ASB5: variants seen among roughly 807,000 people sequenced by gnomAD.
ASB5 encodes the protein ankyrin repeat and SOCS box protein 5.
ASB5 carries 45 observed loss-of-function variants against 42.1 expected under a neutral mutation model. That is an observed-to-expected ratio of 1.07 (90% confidence interval 0.84 to 1.37). The LOEUF is 1.37. Among genes scored for constraint, ASB5 ranks in the 40% most tolerant of loss-of-function variants. The pLI is 0.00. For missense variants in ASB5, 402 were observed against 399.8 expected (o/e 1.01, Z -0.05); for synonymous variants, 147 against 150.6 (o/e 0.98, Z 0.18).
At chr4:176,275,957 G>C (rs1424998908) in intron 1 of ASB5, 1 of 152,148 alleles carries the variant, frequency 6.6e-6, no homozygotes, top group African/African-American at 2.4e-5. Flanking sequence ...TCCTTGTTAA[G>C]CTTAATGGGA....
intron 1 of ASB5, among the ~76,000 whole-genome samples, chr4:176,249,920 C>G (rs1753994350): frequency 6.9e-6 from 1 of 145,956 alleles, no homozygotes; most frequent in South Asian, 2.2e-4. Flanking sequence ...AAAAAATTAG[C>G]CGGGCGTGGT....
At position 176,257,101 on chromosome 4, in the gene ASB5, C is replaced by A. The variant is rs139379860; in HGVS notation, c.196+11812G>T. The stretch of plus-strand genomic sequence containing the variant: ...ATTATGAGAAAATAAAATAAAAGGA[C>A]AAGAGGCTTTTAAGAAGGATGGTTT... On this transcript the variant is annotated intron_variant, in intron 1 of 6. Coordinates refer to ENST00000296525, the MANE Select transcript of ASB5 (RefSeq NM_080874.4). Among the ~76,000 whole-genome samples the A allele has an allele frequency of 4.7e-4, 72 of 152,210 alleles. 2 individuals carry two copies. Among genetic ancestry groups the A allele is most frequent in the African/African-American group, 1.7e-3 (71 of 41,538 alleles).
At chr4:176,249,685 A>C (rs1442168026) in intron 1 of ASB5, 1 of 152,232 alleles carries the variant, frequency 6.6e-6, no homozygotes, top group African/African-American at 2.4e-5. Context: ...GAGGATGAGA[A>C]AACATGGAGT....
At chr4:176,257,752 C>T (rs551109024) in intron 1 of ASB5, among the ~76,000 whole-genome samples, 2 of 152,288 alleles carry the variant, frequency 1.3e-5, no homozygotes, top group South Asian at 4.1e-4. Flanking sequence ...TTTGATTTTG[C>T]CACTCACCCC....
chr4:176,234,393 C>T (rs571597450), intron 1 of ASB5, among the ~76,000 whole-genome samples: 3 of 152,306 alleles, frequency 2.0e-5, no homozygotes, highest in East Asian at 3.9e-4. Context: ...CTGAGACCCA[C>T]ATCACTTGTT....
At position 176,219,601 on chromosome 4, in the gene ASB5, T is replaced by A. The variant is rs79458288; in HGVS notation, c.670+1554A>T. ...ATATATATATATATATATATATATA[T>A]ATATATATATATATATAGGCTGGAG... On this transcript the variant is annotated intron_variant, in intron 5 of 6. Transcript: ENST00000296525. 4.1e-3 allele frequency among the ~76,000 whole-genome samples: 343 copies of A among 83,372 alleles called. 105 individuals are homozygous for A. The highest frequency in any genetic ancestry group is 8.3e-3 in the Middle Eastern group (1 of 120). The allele number at this position is 83,372 out of a possible 152,430, so 54.7% of individuals were successfully genotyped here. A position where few individuals can be genotyped will look rare whatever the true frequency, so the allele number is the denominator to read the frequency against.
chr4:176,271,027 G>T (rs1754460035), upstream of ASB5, among the ~76,000 whole-genome samples: 1 of 152,136 alleles, frequency 6.6e-6, no homozygotes, highest in Admixed American at 6.5e-5. Context: ...ATTCTTTGGG[G>T]TTAAGAAACA....
intron 1 of ASB5, among the ~76,000 whole-genome samples, chr4:176,251,992 G>T (rs1164802510): frequency 6.7e-6 from 1 of 148,150 alleles, no homozygotes; most frequent in Non-Finnish European, 1.5e-5. Context: ...ATTGAGTCCA[G>T]GACCTTGAGG....
upstream of ASB5, among the ~76,000 whole-genome samples, chr4:176,271,941 A>AGTC (rs1269910422): frequency 5.3e-5 from 8 of 152,144 alleles, no homozygotes; most frequent in Non-Finnish European, 8.8e-5. Flanking sequence ...ATTGAGACAG[A>AGTC]GTCACACAGA....
At chr4:176,246,180 G>A (rs1753909054) in intron 1 of ASB5, among the ~76,000 whole-genome samples, 1 of 151,996 alleles carries the variant, frequency 6.6e-6, no homozygotes, top group Non-Finnish European at 1.5e-5. Context: ...GAAGAAGTGG[G>A]GGAAAATGTT....
chr4:176,253,449 CA>C (rs1355720259), intron 1 of ASB5, among the ~76,000 whole-genome samples: 1 of 152,100 alleles, frequency 6.6e-6, no homozygotes, highest in Non-Finnish European at 1.5e-5. Flanking sequence ...ACTAAACAGG[CA>C]AAAACTGGAA....
upstream of ASB5, among the ~76,000 whole-genome samples, chr4:176,272,029 A>T (rs1423532074): frequency 6.6e-6 from 1 of 152,164 alleles, no homozygotes; most frequent in African/African-American, 2.4e-5. Context: ...GTAATCAGGA[A>T]CCTAAATTAC....
intron 1 of ASB5, among the ~76,000 whole-genome samples, chr4:176,254,921 G>A (rs545770428): frequency 6.6e-6 from 1 of 152,284 alleles, no homozygotes; most frequent in African/African-American, 2.4e-5. Context: ...CACGAGGTCA[G>A]GCGTTTGAGA....
Position 176,215,432 on chromosome 4 carries a change from AAAC to A in ASB5, c.*165_*167del, listed in dbSNP as rs1397242794. ...TAATCCAAAGACAGCATAAATGATA[AAAC>A]AATAGTACTAATACACTTAAAATGA... On this transcript the variant is annotated 3_prime_UTR_variant, in exon 7 of 7. Coordinates refer to ENST00000296525, the MANE Select transcript of ASB5 (RefSeq NM_080874.4). 1.3e-5 allele frequency: 7 copies of A among 542,760 alleles called. No homozygotes were observed. Among genetic ancestry groups the A allele is most frequent in the Non-Finnish European group, 2.1e-5 (7 of 335,670 alleles). The allele number at this position is 542,760 out of a possible 1,614,324, so 33.6% of individuals were successfully genotyped here.
chr4:176,254,757 C>T (rs1754119820), intron 1 of ASB5, among the ~76,000 whole-genome samples: 1 of 152,148 alleles, frequency 6.6e-6, no homozygotes, highest in African/African-American at 2.4e-5. Context: ...AAAGACACTT[C>T]TCAAAAGAAG....
intron 1 of ASB5, among the ~76,000 whole-genome samples, chr4:176,236,949 T>C (rs1230768959): frequency 6.6e-6 from 1 of 152,224 alleles, no homozygotes; most frequent in Non-Finnish European, 1.5e-5. Flanking sequence ...CTAATTTACA[T>C]GATTTAAAAT....
At chr4:176,235,580 TTATC>T (rs1314372798) in intron 1 of ASB5, among the ~76,000 whole-genome samples, 1 of 152,188 alleles carries the variant, frequency 6.6e-6, no homozygotes, top group African/African-American at 2.4e-5. Flanking sequence ...ATTTATTTAA[TTATC>T]TATCAAATGA....
intron 1 of ASB5, among the ~76,000 whole-genome samples, chr4:176,276,360 A>G (rs573128287): frequency 6.6e-6 from 1 of 152,330 alleles, no homozygotes; most frequent in South Asian, 2.1e-4. Flanking sequence ...CAATAGTACC[A>G]TACTCACTGC....
In ASB5 at chr4:176,223,967, C is replaced by T. The variant is rs186639012; in HGVS notation, c.276+1295G>A. Among the ~76,000 whole-genome samples the T allele has an allele frequency of 2.5e-4, 38 of 152,128 alleles. No individual in the cohort carries two copies. In the East Asian group the frequency reaches 6.6e-3, roughly 26 times the overall value. ...TCCTCCCATCAAGTGATGAACAAAA[C>T]AAAACAGTCACATGGTTATCACAGA... is the stretch of plus-strand genomic sequence containing the variant. On this transcript the variant is annotated intron_variant, in intron 2 of 6. Transcript: ENST00000296525.
Sources: gnomAD v4.1 joint callset for allele counts (sites outside exome capture counted in the v4.1 genomes callset) on GRCh38, gnomAD v4.1.1 for gene constraint, MANE v1.5 for transcripts, NCBI Gene and HGNC (gene_info 2026-07-23, HGNC 2026-07-21) for gene names.